Variants in TSPAN4 observed in about 807,000 individuals in gnomAD.
The protein encoded by TSPAN4 is tetraspanin-4.
In TSPAN4, 38 loss-of-function variants were observed where a neutral mutation model predicts 31.5. The observed-to-expected ratio is 1.21, with a 90% CI of 0.93 to 1.58. The LOEUF is 1.58. TSPAN4 is among the 40% of genes most tolerant of loss of function. The pLI, the probability that TSPAN4 is intolerant of heterozygous loss-of-function variation, is 0.00. For synonymous variants in TSPAN4, 186 were observed against 144.6 expected (o/e 1.29, Z -2.06); for missense variants, 330 against 317.3 (o/e 1.04, Z -0.30).
intron 8 of TSPAN4, 77 bp downstream of exon 8, chr11:866,078 G>A: frequency 6.6e-7 from 1 of 1,509,638 alleles, no homozygotes. Context: ...AAGTAGCAAA[G>A]ACCTTGCCCC....
At chr11:847,335 G>T (rs1464732042) in intron 2 of TSPAN4, 35 bp downstream of exon 2, 1 of 152,250 alleles carries the variant, frequency 6.6e-6, no homozygotes, top group African/African-American at 2.4e-5. Context: ...GATGGTTGTG[G>T]TGGGCAGCAG....
Position 862,545 on chromosome 11 carries a change from C to T in TSPAN4, c.64-5C>T, listed in dbSNP as rs1180290783. On this transcript the variant is annotated splice_region_variant and splice_polypyrimidine_tract_variant and intron_variant, in intron 3 of 8. Coordinates refer to ENST00000397397, the MANE Select transcript of TSPAN4 (RefSeq NM_003271.5). ...GTCTGTGTCTCTCCTGTTGCTGTGC[C>T]CCAGCTGGGAGGCTGTGGCGTGCTG... The T allele has an allele frequency of 4.4e-6, 7 of 1,601,716 alleles. No homozygotes were observed. Among genetic ancestry groups the T allele is most frequent in the East Asian group, 4.5e-5 (2 of 44,780 alleles).
intron 4 of TSPAN4, 60 bp downstream of exon 4, chr11:862,801 G>GC: frequency 6.7e-7 from 1 of 1,487,290 alleles, no homozygotes; most frequent in Non-Finnish European, 9.0e-7. Context: ...GGCTCCGGTG[G>GC]CCCCCAGGCC....
At position 851,141 on chromosome 11, in the gene TSPAN4, C is replaced by T. The variant is rs141512904; in HGVS notation, c.63+774C>T. On this transcript the variant is annotated intron_variant, in intron 3 of 8. Transcript: ENST00000397397. ...AGCCCCATGTCAGCAAGAGGTGGGGCAGGATTCCCACCTGGCCAGGTTGGA... is the reference window on the plus strand; with the variant it reads ...AGCCCCATGTCAGCAAGAGGTGGGGTAGGATTCCCACCTGGCCAGGTTGGA... Among the ~76,000 whole-genome samples the T allele has an allele frequency of 2.7e-3, 413 of 152,308 alleles. 3 individuals carry two copies. Among genetic ancestry groups the T allele is most frequent in the African/African-American group, 9.5e-3 (395 of 41,572 alleles).
intron 1 of TSPAN4, among the ~76,000 whole-genome samples, chr11:846,456 A>G (rs1277184616): frequency 1.3e-5 from 2 of 152,156 alleles, no homozygotes; most frequent in Admixed American, 6.5e-5. Flanking sequence ...CCCTTGGGCT[A>G]CTGGAAGGAC....
At chr11:860,039 C>T (rs1848365926) in intron 3 of TSPAN4, among the ~76,000 whole-genome samples, 1 of 152,216 alleles carries the variant, frequency 6.6e-6, no homozygotes, top group Non-Finnish European at 1.5e-5. Flanking sequence ...GGTGTCAGAG[C>T]TCAGCAGGCA....
At chr11:849,900 C>T (rs866815708) in intron 2 of TSPAN4, 61 of 148,482 alleles carry the variant, frequency 4.1e-4, no homozygotes, top group South Asian at 2.4e-3. Context: ...ATCCGCGCGA[C>T]CCGCTGCCAC....
intron 3 of TSPAN4, among the ~76,000 whole-genome samples, chr11:855,645 G>A (rs368115284): frequency 6.6e-6 from 1 of 152,224 alleles, no homozygotes; most frequent in Non-Finnish European, 1.5e-5. Flanking sequence ...GTGAGGGAAC[G>A]GAGGACAGAT....
At chr11:859,591 C>T (rs1848332571) in intron 3 of TSPAN4, 1 of 158,440 alleles carries the variant, frequency 6.3e-6, no homozygotes, top group Admixed American at 6.6e-5. Context: ...GGCCCACACG[C>T]ACCCCAGCTC....
chr11:855,552 CAG>C (rs1186045138), intron 3 of TSPAN4, among the ~76,000 whole-genome samples: 2 of 152,198 alleles, frequency 1.3e-5, no homozygotes, highest in Non-Finnish European at 2.9e-5. Context: ...ACACTGGCCT[CAG>C]GGTGGGCCTT....
At chr11:844,671 G>A (rs1405570360) in intron 1 of TSPAN4, 1 of 151,272 alleles carries the variant, frequency 6.6e-6, no homozygotes, top group Non-Finnish European at 1.5e-5. Flanking sequence ...CTCTCTCCTG[G>A]GTGTGGAGTG....
At chr11:860,456 G>T (rs1341382993) in intron 3 of TSPAN4, among the ~76,000 whole-genome samples, 1 of 152,204 alleles carries the variant, frequency 6.6e-6, no homozygotes, top group East Asian at 1.9e-4. Context: ...CTCAGGGAGG[G>T]GCAGGTGAGC....
rs1848523864 is a variant in TSPAN4 at position 862,651 on chromosome 11, C to A, written c.165C>A (p.Asn55Lys). The A allele has an allele frequency of 6.2e-7, 1 of 1,613,460 alleles. No individual in the cohort carries two copies. The highest frequency in any genetic ancestry group is 8.5e-7 in the Non-Finnish European group (1 of 1,179,910). The change falls in exon 4 of 9, where the codon AAC becomes AAA. Residue 55 changes from asparagine to lysine, a missense_variant. By Grantham distance (94) the Asn-to-Lys change is moderately conservative (BLOSUM62 0). Coordinates refer to ENST00000397397, the MANE Select transcript of TSPAN4 (RefSeq NM_003271.5). ...SSSFPSLSAA[N>K]LLIITGAFVM... ...CCTTCCCGTCCCTGTCGGCTGCCAACTTGCTCATCATCACCGGCGCCTTTG... is the reference window on the plus strand; with the variant it reads ...CCTTCCCGTCCCTGTCGGCTGCCAAATTGCTCATCATCACCGGCGCCTTTG...
intron 3 of TSPAN4, chr11:857,400 G>GGT (rs538466718): frequency 1.0e-5 from 1 of 100,310 alleles, no homozygotes; most frequent in African/African-American, 4.0e-5. Flanking sequence ...GGCAGTTTGG[G>GGT]TTTTTTTTTT....
chr11:855,247 C>T (rs1847981917), intron 3 of TSPAN4, among the ~76,000 whole-genome samples: 3 of 152,176 alleles, frequency 2.0e-5, no homozygotes, highest in Admixed American at 2.0e-4. Flanking sequence ...CAGCCCAGGG[C>T]TGCAGGGGGC....
Position 850,376 on chromosome 11 carries a change from G to C in TSPAN4, c.63+9G>C. ...TCAACCTGCTCTTCTGGGTGAGTCC[G>C]GGGGCCGGGGTGGGGGCCCGGGAAA... On this transcript the variant is annotated intron_variant, in intron 3 of 8. Transcript: ENST00000397397. The C allele has an allele frequency of 6.3e-7, 1 of 1,596,316 alleles. No homozygotes were observed. The highest frequency in any genetic ancestry group is 8.5e-7 in the Non-Finnish European group (1 of 1,176,094).
rs372428174 is a variant in TSPAN4 at position 865,837 on chromosome 11, C to A, written c.564+12C>A. The A allele has an allele frequency of 6.2e-7, 1 of 1,612,198 alleles. No homozygotes were observed. Among genetic ancestry groups the A allele is most frequent in the South Asian group, 1.1e-5 (1 of 90,964 alleles). On this transcript the variant is annotated intron_variant, in intron 7 of 8. Transcript: ENST00000397397. ...CCTGGTGGAAGGCGGTGAGTGAGAC[C>A]CCCACCCTGGGGGCTGGTAGGGGCC...
At chr11:855,390 C>T (rs367841124) in intron 3 of TSPAN4, among the ~76,000 whole-genome samples, 3 of 152,242 alleles carry the variant, frequency 2.0e-5, no homozygotes, top group Non-Finnish European at 4.4e-5. Context: ...GCTGTTCCCA[C>T]GCAGCCCTGC....
chr11:853,726 A>G (rs539629335), intron 3 of TSPAN4, among the ~76,000 whole-genome samples: 7 of 152,280 alleles, frequency 4.6e-5, no homozygotes, highest in Admixed American at 1.3e-4. Flanking sequence ...ATCTGGGGAC[A>G]TGCTACCTGC....
Sources: allele counts gnomAD v4.1 joint callset (sites outside exome capture counted in the v4.1 genomes callset), GRCh38; gene constraint gnomAD v4.1.1; transcripts MANE v1.5; gene names NCBI Gene and HGNC (gene_info 2026-07-23, HGNC 2026-07-21).